Variants in PLXNA4 observed in about 807,000 individuals in gnomAD.
The protein encoded by PLXNA4 is plexin-A4.
PLXNA4 carries 44 observed loss-of-function variants against 191.8 expected under a neutral mutation model. The ratio of observed to expected loss-of-function variants is 0.23; its 90% CI spans 0.18 to 0.29. The LOEUF (loss-of-function observed/expected upper bound fraction) is 0.29. PLXNA4 is among the 10% of genes least tolerant of loss of function. The pLI is 1.00. For missense variants in PLXNA4, 1,800 were observed against 2,488.8 expected (o/e 0.72, Z 5.89); for synonymous variants, 1,082 against 1,009.5 (o/e 1.07, Z -1.36).
chr7:132,134,295 C>A (rs558868611), intron 30 of PLXNA4, among the ~76,000 whole-genome samples: 1 of 152,206 alleles, frequency 6.6e-6, no homozygotes, highest in Non-Finnish European at 1.5e-5. Context: ...ACTTCTCCAA[C>A]CAGGACCCTG....
chr7:132,540,228 T>C (rs1800011547), intron 1 of PLXNA4, among the ~76,000 whole-genome samples: 1 of 152,158 alleles, frequency 6.6e-6, no homozygotes, highest in South Asian at 2.1e-4. Context: ...GCCTAGAGAA[T>C]ACGCTAAACA....
chr7:132,622,534 A>G (rs1295695149), intron 2 of PLXNA4, among the ~76,000 whole-genome samples: 2 of 151,414 alleles, frequency 1.3e-5, no homozygotes, highest in Non-Finnish European at 2.9e-5. Flanking sequence ...AAGAATTAGG[A>G]GCTATCTGAA....
At chr7:132,523,538 G>T (rs1020008124) in intron 1 of PLXNA4, among the ~76,000 whole-genome samples, 13 of 152,228 alleles carry the variant, frequency 8.5e-5, no homozygotes, top group Admixed American at 7.8e-4. Flanking sequence ...TGGGAGAGAA[G>T]AGAGACAGCA....
At chr7:132,292,068 T>C (rs1284779301) in intron 4 of PLXNA4, among the ~76,000 whole-genome samples, 1 of 152,186 alleles carries the variant, frequency 6.6e-6, no homozygotes. Context: ...ATGCTGGGAT[T>C]GCAGGCGTGA....
intron 2 of PLXNA4, among the ~76,000 whole-genome samples, chr7:132,490,451 G>T (rs2117537313): frequency 7.4e-6 from 1 of 135,344 alleles, no homozygotes; most frequent in South Asian, 2.4e-4. Flanking sequence ...TTTGAGACAG[G>T]GTCTCACTCT....
At chr7:132,270,017 C>A (rs78594916) in intron 4 of PLXNA4, among the ~76,000 whole-genome samples, 1,908 of 152,252 alleles carry the variant, frequency 0.013, 34 homozygotes, top group African/African-American at 0.043. Flanking sequence ...AGAATCCATT[C>A]GGTTCACCCT....
intron 4 of PLXNA4, among the ~76,000 whole-genome samples, chr7:132,288,529 C>T (rs1020908371): frequency 6.6e-6 from 1 of 152,142 alleles, no homozygotes; most frequent in Non-Finnish European, 1.5e-5. Context: ...TGAGGTGGCT[C>T]CATTTCCTGT....
At chr7:132,214,847 T>C (rs1367813263) in intron 9 of PLXNA4, among the ~76,000 whole-genome samples, 1 of 152,166 alleles carries the variant, frequency 6.6e-6, no homozygotes, top group Admixed American at 6.5e-5. Flanking sequence ...GCTCTCACCA[T>C]TGCTTGGCTT....
chr7:132,158,998 C>T (rs1562888802), intron 25 of PLXNA4, among the ~76,000 whole-genome samples: 1 of 152,172 alleles, frequency 6.6e-6, no homozygotes, highest in Non-Finnish European at 1.5e-5. Context: ...CTATCACTGA[C>T]CCAGATCCCT....
rs143559500 is a variant in PLXNA4 at position 132,341,525 on chromosome 7, C to T, written c.1372-43303G>A. 6.0e-4 allele frequency among the ~76,000 whole-genome samples: 91 copies of T among 152,300 alleles called. 1 individual carries two copies. The highest frequency in any genetic ancestry group is 3.4e-3 in the Middle Eastern group (1 of 294). ...GAATGGCCCCAACCAATGTTTCCAGCCCCATATCCTGCCTTCCTGCATGGA... is the reference window on the plus strand; with the variant it reads ...GAATGGCCCCAACCAATGTTTCCAGTCCCATATCCTGCCTTCCTGCATGGA... On this transcript the variant is annotated intron_variant, in intron 3 of 31. Transcript: ENST00000321063.
At chr7:132,418,831 C>G (rs897817225) in intron 3 of PLXNA4, among the ~76,000 whole-genome samples, 18 of 152,208 alleles carry the variant, frequency 1.2e-4, no homozygotes, top group African/African-American at 3.9e-4. Flanking sequence ...TGCTCCCATC[C>G]TCTACAGATT....
At chr7:132,534,420 G>C (rs1799749739) in intron 1 of PLXNA4, among the ~76,000 whole-genome samples, 1 of 152,142 alleles carries the variant, frequency 6.6e-6, no homozygotes, top group Non-Finnish European at 1.5e-5. Flanking sequence ...GAGACCTGAG[G>C]TTCCTTCCAC....
intron 2 of PLXNA4, among the ~76,000 whole-genome samples, chr7:132,597,481 T>C (rs934160336): frequency 3.9e-5 from 6 of 152,224 alleles, no homozygotes; most frequent in African/African-American, 1.4e-4. Flanking sequence ...CATCTCTTTT[T>C]TTCTTTTCTA....
At chr7:132,493,505 G>A (rs1480937457) in intron 2 of PLXNA4, among the ~76,000 whole-genome samples, 5 of 152,142 alleles carry the variant, frequency 3.3e-5, no homozygotes, top group Admixed American at 3.3e-4. Flanking sequence ...CCTATCCAGA[G>A]GACTCTGGAT....
chr7:132,210,189 C>A (rs1293696241), intron 10 of PLXNA4, among the ~76,000 whole-genome samples: 1 of 152,072 alleles, frequency 6.6e-6, no homozygotes, highest in Non-Finnish European at 1.5e-5. Context: ...AGCATCTGGG[C>A]ACAAAGAAGG....
intron 3 of PLXNA4, among the ~76,000 whole-genome samples, chr7:132,320,437 C>T (rs888573109): frequency 1.3e-5 from 2 of 152,152 alleles, no homozygotes; most frequent in Non-Finnish European, 2.9e-5. Context: ...GGATTAAAGC[C>T]CATCCTTCAT....
At chr7:132,566,199 C>T (rs183233222) in intron 1 of PLXNA4, among the ~76,000 whole-genome samples, 17 of 152,144 alleles carry the variant, frequency 1.1e-4, no homozygotes, top group Admixed American at 3.3e-4. Flanking sequence ...TAATTGGGCA[C>T]GTGAATTACC....
intron 25 of PLXNA4, among the ~76,000 whole-genome samples, chr7:132,149,142 G>A (rs185656486): frequency 4.6e-5 from 7 of 152,244 alleles, no homozygotes; most frequent in East Asian, 1.9e-4. Context: ...ACTGGCAGGT[G>A]TGTCACCCTT....
intron 3 of PLXNA4, among the ~76,000 whole-genome samples, chr7:132,365,360 T>TGTGTGTGTGCGCGCGCGC: frequency 2.6e-4 from 34 of 128,826 alleles, no homozygotes; most frequent in Middle Eastern, 8.1e-3. Flanking sequence ...TGTGTGTGTG[T>TGTGTGTGTGCGCGCGCGC]GCGTGCGCGC....
Sources: allele counts gnomAD v4.1 joint callset (sites outside exome capture counted in the v4.1 genomes callset), GRCh38; gene constraint gnomAD v4.1.1; transcripts MANE v1.5; gene names NCBI Gene and HGNC (gene_info 2026-07-23, HGNC 2026-07-21).